The following SPINK5 variants were observed in gnomAD, a reference collection of about 807,000 sequenced individuals.
SPINK5 encodes serine protease inhibitor Kazal-type 5.
A neutral mutation model predicts 151.8 loss-of-function variants in SPINK5; 125 were observed. The ratio of observed to expected loss-of-function variants is 0.82; its 90% CI spans 0.71 to 0.96. The LOEUF (loss-of-function observed/expected upper bound fraction) is 0.96, where lower values mean the gene tolerates loss of function less well. Among genes scored for constraint, SPINK5 ranks in the 40% least tolerant of loss-of-function variants. SPINK5 has a pLI of 0.00. For missense variants in SPINK5, 1,194 were observed against 1,291.9 expected (o/e 0.92, Z 1.16); for synonymous variants, 374 against 395.3 (o/e 0.95, Z 0.64).
At chr5:148,070,536 T>A in intron 3 of SPINK5, 86 bp downstream of exon 3, 1 of 1,558,328 alleles carries the variant, frequency 6.4e-7, no homozygotes, top group East Asian at 2.3e-5. Context: ...TTCTTTCAAG[T>A]GCATTTTTCT....
chr5:148,111,895 T>C lies in SPINK5; in HGVS notation c.1820T>C (p.Phe607Ser). 1 of 1,613,944 alleles carries C rather than the reference T, an allele frequency of 6.2e-7. No individual in the cohort carries two copies. Reference protein sequence around the residue: ...GNTCSMCEAFFQQEAKEKERA... With the variant: ...GNTCSMCEAFSQQEAKEKERA... ...ACCTGCTCCATGTGTGAAGCCTTCT[T>C]GTGAGTGGGCGGCAGCCACTGCTGC... Residue 607 changes from phenylalanine (F) to serine (S), a missense_variant and splice_region_variant, in exon 19 of 33, where the codon TTC (phenylalanine) becomes TCC (serine). Physicochemically the swap from Phe to Ser is radical, Grantham distance 155. Transcript: ENST00000256084.
At chr5:148,089,383 C>G (rs942039586) in intron 6 of SPINK5, 111 bp from the exon 7 acceptor site, 4 of 1,420,512 alleles carry the variant, frequency 2.8e-6, no homozygotes, top group Non-Finnish European at 4.0e-6. Context: ...TGGTACTGCT[C>G]TAAGTGGCCC....
In SPINK5 at chr5:148,091,216, A is replaced by C; in HGVS notation, c.654A>C (p.Arg218=). ...GAGAGGGTGAAACTAGAATTCGACGAAATGCTGAAAAGGTAAAATGACTCA... is the reference window on the plus strand; with the variant it reads ...GAGAGGGTGAAACTAGAATTCGACGCAATGCTGAAAAGGTAAAATGACTCA... ...AKREGETRIR[R]NAEKDFCKEY... Residue 218 remains arginine, a synonymous_variant, in exon 8 of 33, where the codon CGA becomes CGC. Transcript: ENST00000256084. The C allele has an allele frequency of 6.2e-7, 1 of 1,611,378 alleles. No homozygotes were observed.
At chr5:148,072,266 G>GA (rs1752760126) in intron 4 of SPINK5, 46 bp downstream of exon 4, 12 of 1,580,514 alleles carry the variant, frequency 7.6e-6, no homozygotes, top group Non-Finnish European at 1.0e-5. Context: ...GAGGATGTTT[G>GA]ACTCTATTTA....
In SPINK5 at chr5:148,100,457, C is replaced by G; in HGVS notation, c.1096C>G (p.Leu366Val). 1 of 1,611,602 alleles carries G rather than the reference C, an allele frequency of 6.2e-7. No homozygotes were observed. The highest frequency in any genetic ancestry group is 8.5e-7 in the Non-Finnish European group (1 of 1,178,084). The change falls in exon 13 of 33, where the codon CTT (leucine) becomes GTT (valine). Residue 366 changes from leucine (L) to valine (V), a missense_variant. Physicochemically the swap from Leu to Val is conservative, Grantham distance 32. Coordinates refer to ENST00000256084, the MANE Select transcript of SPINK5 (RefSeq NM_006846.4). Reference protein sequence around the residue: ...ESGKATSYAELCSEYRKLVRN... With the variant: ...ESGKATSYAEVCSEYRKLVRN... ...CTTACTTCTTCTATCTCGGCAGGAG[C>G]TTTGCAGTGAATATCGAAAGCTTGT...
chr5:148,085,689 C>T (rs7724165), intron 4 of SPINK5, among the ~76,000 whole-genome samples: 70,384 of 151,534 alleles, frequency 0.46, 17,096 homozygotes, highest in Admixed American at 0.59. Context: ...AAGTGTATGT[C>T]ACATTATTAG....
At chr5:148,118,182 C>A (rs930017909) in intron 22 of SPINK5, among the ~76,000 whole-genome samples, 2 of 152,126 alleles carry the variant, frequency 1.3e-5, no homozygotes, top group Admixed American at 1.3e-4. Flanking sequence ...CCATGCCCAG[C>A]TAATTTTTGT....
At chr5:148,125,535 A>T (rs1754407750) in intron 28 of SPINK5, 188 bp from the exon 29 acceptor site, 7 of 1,613,872 alleles carry the variant, frequency 4.3e-6, no homozygotes, top group Non-Finnish European at 5.1e-6. Context: ...ACCAGTGCAG[A>T]CAGGTTCAGA....
chr5:148,098,932 C>T (rs929131902), intron 11 of SPINK5, among the ~76,000 whole-genome samples: 1 of 151,996 alleles, frequency 6.6e-6, no homozygotes, highest in South Asian at 2.1e-4. Context: ...GTTTTGGTGC[C>T]TCTGTTATGA....
chr5:148,079,560 C>G (rs1424305404), intron 4 of SPINK5, among the ~76,000 whole-genome samples: 1 of 150,886 alleles, frequency 6.6e-6, no homozygotes, highest in African/African-American at 2.4e-5. Context: ...AAATCATTAC[C>G]AAATAAGAAT....
chr5:148,096,026 A>C, intron 10 of SPINK5, 121 bp downstream of exon 10: 1 of 796,758 alleles, frequency 1.3e-6, no homozygotes, highest in Non-Finnish European at 2.1e-6. Flanking sequence ...CCACACTACT[A>C]GTAGGTTTGC....
At chr5:148,074,316 T>C (rs1289066313) in intron 4 of SPINK5, among the ~76,000 whole-genome samples, 1 of 151,860 alleles carries the variant, frequency 6.6e-6, no homozygotes, top group Non-Finnish European at 1.5e-5. Context: ...TTGTTGGTAC[T>C]GCCTCCAAAG....
chr5:148,131,766 T>A (rs149329172), intron 31 of SPINK5, among the ~76,000 whole-genome samples: 30 of 152,250 alleles, frequency 2.0e-4, no homozygotes, highest in African/African-American at 6.3e-4. Context: ...CCCAGCCCAG[T>A]GTATTATATC....
intron 15 of SPINK5, among the ~76,000 whole-genome samples, chr5:148,102,307 G>A (rs1196289912): frequency 6.6e-6 from 1 of 152,082 alleles, no homozygotes; most frequent in African/African-American, 2.4e-5. Context: ...TTTATGGGAT[G>A]TATTGGACAG....
In SPINK5 at chr5:148,126,968, T is replaced by A. The variant is rs1166143506; in HGVS notation, c.2868-15T>A. The A allele has an allele frequency of 1.3e-6, 2 of 1,585,910 alleles. No individual in the cohort carries two copies. Among genetic ancestry groups the A allele is most frequent in the Non-Finnish European group, 1.7e-6 (2 of 1,161,418 alleles). On this transcript the variant is annotated splice_polypyrimidine_tract_variant and intron_variant, in intron 29 of 32. Transcript: ENST00000256084. ...CTGTTTCTTATTTTAAATTATTTTT[T>A]ATTTTCTTCTCTAGTCTAACAGAAG...
chr5:148,086,062 C>A (rs1357489758), intron 4 of SPINK5, among the ~76,000 whole-genome samples: 5 of 151,824 alleles, frequency 3.3e-5, no homozygotes, highest in Non-Finnish European at 7.4e-5. Context: ...TTAGAGCTTT[C>A]ATATCCGTAA....
Position 148,070,356 on chromosome 5 carries a change from A to G in SPINK5, c.115A>G (p.Asn39Asp). Residue 39 changes from asparagine (N) to aspartate (D), a missense_variant, in exon 3 of 33, where the codon AAT (asparagine) becomes GAT (aspartate). Asn to Asp is a conservative substitution (Grantham distance 23). Coordinates refer to ENST00000256084, the MANE Select transcript of SPINK5 (RefSeq NM_006846.4). ...MCHEFQAFMK[N>D]GKLFCPQDKK... ...CCATGAATTTCAGGCATTTATGAAA[A>G]ATGGAAAACTGTTCTGTCCCCAGGA... 2 of 1,612,676 alleles carry G rather than the reference A, an allele frequency of 1.2e-6. No homozygotes were observed. The highest frequency in any genetic ancestry group is 1.3e-5 in the African/African-American group (1 of 74,946).
chr5:148,088,224 G>A (rs115710179), intron 5 of SPINK5, among the ~76,000 whole-genome samples: 2,477 of 151,808 alleles, frequency 0.016, 73 homozygotes, highest in African/African-American at 0.056. Flanking sequence ...GGTGCTGAGT[G>A]TTATCTATTA....
chr5:148,067,355 A>G (rs1378337549), intron 2 of SPINK5, among the ~76,000 whole-genome samples: 1 of 152,192 alleles, frequency 6.6e-6, no homozygotes, highest in East Asian at 1.9e-4. Flanking sequence ...TAACAGCAAC[A>G]GTAACAAAAC....
Sources: gnomAD v4.1 joint callset for allele counts (sites outside exome capture counted in the v4.1 genomes callset) on GRCh38, gnomAD v4.1.1 for gene constraint, MANE v1.5 for transcripts, NCBI Gene and HGNC (gene_info 2026-07-23, HGNC 2026-07-21) for gene names.